The following PCDH15 variants were observed in gnomAD, a reference collection of about 807,000 sequenced individuals.
PCDH15 encodes the protein protocadherin-15.
In PCDH15, 129 loss-of-function variants were observed where a neutral mutation model predicts 178.5. That is an observed-to-expected ratio of 0.72 (90% confidence interval 0.63 to 0.84). The LOEUF (loss-of-function observed/expected upper bound fraction) is 0.84. PCDH15 is among the 40% of genes least tolerant of loss of function. The probability of loss-of-function intolerance (pLI) is 0.00; values close to 1 mark genes in which losing one functional copy is unlikely to be tolerated. For missense variants in PCDH15, 2,230 were observed against 2,099.9 expected (o/e 1.06, Z -1.21); for synonymous variants, 800 against 732.0 (o/e 1.09, Z -1.50).
intron 2 of PCDH15, among the ~76,000 whole-genome samples, chr10:55,062,748 C>T (rs772763586): frequency 7.2e-5 from 11 of 151,994 alleles, no homozygotes; most frequent in African/African-American, 9.7e-5. Context: ...TGGGTGATAA[C>T]GAAGTATTAC....
chr10:54,929,436 C>T (rs1218942910), intron 2 of PCDH15, among the ~76,000 whole-genome samples: 1 of 152,120 alleles, frequency 6.6e-6, no homozygotes, highest in African/African-American at 2.4e-5. Context: ...TTCTTATATG[C>T]AATTTTTTTG....
intron 3 of PCDH15, among the ~76,000 whole-genome samples, chr10:54,462,514 T>C (rs2077244922): frequency 3.6e-4 from 9 of 25,268 alleles, no homozygotes; most frequent in Admixed American, 1.1e-3. Flanking sequence ...TTTCTTTTCT[T>C]TTTTTTTTTT....
At chr10:54,341,778 G>A (rs1942277666) in intron 6 of PCDH15, among the ~76,000 whole-genome samples, 1 of 152,172 alleles carries the variant, frequency 6.6e-6, no homozygotes, top group Admixed American at 6.5e-5. Context: ...GTCTCAGATG[G>A]AGGTGAGGAA....
chr10:53,905,043 C>T (rs764574652), intron 25 of PCDH15: 9 of 395,520 alleles, frequency 2.3e-5, no homozygotes, highest in Non-Finnish European at 4.6e-5. Flanking sequence ...TGTTCCCTTA[C>T]CTCCCAACCC....
chr10:54,312,866 G>A (rs857371), intron 8 of PCDH15, among the ~76,000 whole-genome samples: 109,397 of 152,012 alleles, frequency 0.72, 40,219 homozygotes, highest in Middle Eastern at 0.82. Context: ...CCTGTTATAC[G>A]GTGACTGATA....
intron 25 of PCDH15, among the ~76,000 whole-genome samples, chr10:53,912,595 A>C (rs1027842282): frequency 6.6e-6 from 1 of 152,232 alleles, no homozygotes; most frequent in Non-Finnish European, 1.5e-5. Context: ...ACTTCAGCAA[A>C]GTCTCAGGAT....
At chr10:54,220,471 T>G (rs2052653283) in intron 9 of PCDH15, among the ~76,000 whole-genome samples, 1 of 152,218 alleles carries the variant, frequency 6.6e-6, no homozygotes, top group South Asian at 2.1e-4. Flanking sequence ...AATTAGACAC[T>G]TTGGCTTCAT....
At chr10:54,518,491 C>A (rs539226616) in intron 3 of PCDH15, among the ~76,000 whole-genome samples, 1 of 151,958 alleles carries the variant, frequency 6.6e-6, no homozygotes. Flanking sequence ...AACACATACA[C>A]CCCCCCAAGA....
At chr10:54,589,970 G>A (rs2133919953) in intron 2 of PCDH15, among the ~76,000 whole-genome samples, 2 of 152,024 alleles carry the variant, frequency 1.3e-5, no homozygotes, top group African/African-American at 4.8e-5. Context: ...ATATACCATG[G>A]CAATGAGCAT....
At chr10:54,756,038 A>AC (rs1947036959) in intron 1 of PCDH15, among the ~76,000 whole-genome samples, 1 of 143,428 alleles carries the variant, frequency 7.0e-6, no homozygotes, top group Non-Finnish European at 1.5e-5. Context: ...ATATGGTGAA[A>AC]CCCCCGTCTC....
At chr10:55,407,149 G>T (rs553220938) in intron 2 of PCDH15, among the ~76,000 whole-genome samples, 1 of 151,540 alleles carries the variant, frequency 6.6e-6, no homozygotes, top group Non-Finnish European at 1.5e-5. Flanking sequence ...TACATGGATG[G>T]TTTTGTAGAA....
chr10:54,779,486 A>G (rs58451455), intron 1 of PCDH15, among the ~76,000 whole-genome samples: 1,750 of 13,288 alleles, frequency 0.13, 90 homozygotes, highest in African/African-American at 0.2. Context: ...ACACATATAT[A>G]TGTATATATA....
intron 2 of PCDH15, among the ~76,000 whole-genome samples, chr10:55,044,090 C>A (rs1385269918): frequency 6.6e-6 from 1 of 152,100 alleles, no homozygotes; most frequent in Non-Finnish European, 1.5e-5. Context: ...AACTTCAACA[C>A]CTGTATAGTG....
intron 2 of PCDH15, among the ~76,000 whole-genome samples, chr10:55,355,427 T>C (rs1845051041): frequency 6.6e-6 from 1 of 151,994 alleles, no homozygotes. Flanking sequence ...TTATTGTGTG[T>C]GATATTCTCA....
At chr10:53,863,320 A>C (rs1257816960) in intron 27 of PCDH15, among the ~76,000 whole-genome samples, 1 of 152,172 alleles carries the variant, frequency 6.6e-6, no homozygotes, top group Non-Finnish European at 1.5e-5. Context: ...CCAGTGAAGG[A>C]GACTGAGAAG....
intron 2 of PCDH15, among the ~76,000 whole-genome samples, chr10:55,325,422 AT>A (rs1485550335): frequency 1.3e-5 from 2 of 152,128 alleles, no homozygotes; most frequent in Non-Finnish European, 2.9e-5. Context: ...CTGAACCCCC[AT>A]GATCATCAGA....
intron 2 of PCDH15, among the ~76,000 whole-genome samples, chr10:55,063,950 G>A (rs1389639548): frequency 6.6e-6 from 1 of 152,056 alleles, no homozygotes; most frequent in Non-Finnish European, 1.5e-5. Flanking sequence ...GATCAAATCA[G>A]GATATTAAAT....
intron 25 of PCDH15, among the ~76,000 whole-genome samples, chr10:53,919,715 C>T (rs998767787): frequency 6.6e-6 from 1 of 151,822 alleles, no homozygotes; most frequent in African/African-American, 2.4e-5. Context: ...TGAAGTAATC[C>T]TTGGATTTGT....
chr10:55,197,879 T>C (rs1383991530), intron 1 of PCDH15, among the ~76,000 whole-genome samples: 1 of 152,152 alleles, frequency 6.6e-6, no homozygotes, highest in East Asian at 1.9e-4. Context: ...TGTTTCATAA[T>C]TCTTTAAAAT....
Sources: allele counts gnomAD v4.1 joint callset (sites outside exome capture counted in the v4.1 genomes callset), GRCh38; gene constraint gnomAD v4.1.1; transcripts MANE v1.5; gene names NCBI Gene and HGNC (gene_info 2026-07-23, HGNC 2026-07-21).